ARIH1: variants seen among roughly 807,000 people sequenced by gnomAD.
ARIH1 encodes the protein E3 ubiquitin-protein ligase ARIH1.
In ARIH1, 8 loss-of-function variants were observed where a neutral mutation model predicts 85.0. That is an observed-to-expected ratio of 0.09 (90% CI 0.06 to 0.17). The LOEUF is 0.17. Ranked by LOEUF, ARIH1 falls within the 10% of genes least tolerant of loss-of-function variation. The pLI is 1.00. For missense variants in ARIH1, 311 were observed against 718.1 expected (o/e 0.43, Z 6.48); for synonymous variants, 238 against 253.6 (o/e 0.94, Z 0.59).
intron 2 of ARIH1, among the ~76,000 whole-genome samples, chr15:72,523,259 G>A (rs1192655394): frequency 6.6e-6 from 1 of 152,196 alleles, no homozygotes; most frequent in African/African-American, 2.4e-5. Context: ...TTCAGTAGAT[G>A]AAAGGATGAG....
chr15:72,474,409 A>G lies in ARIH1; in HGVS notation c.-231A>G. The G allele has an allele frequency of 1.8e-6, 1 of 558,508 alleles. No homozygotes were observed. Among genetic ancestry groups the G allele is most frequent in the Non-Finnish European group, 3.1e-6 (1 of 322,164 alleles). 34.6% of individuals were successfully genotyped at this position (558,508 alleles called of 1,614,324 possible). ...GCCGGAGCGGAGCCGCGTCTGACTG[A>G]GGCGGGCAGCAAGCGGCCCCCTCGC... On this transcript the variant is annotated 5_prime_UTR_variant, in exon 1 of 14. Coordinates refer to ENST00000379887, the MANE Select transcript of ARIH1 (RefSeq NM_005744.5).
rs1567367085 is a variant in ARIH1 at position 72,600,361 on chromosome 15, T to G, written c.*17069T>G. Reference sequence around the variant, plus strand: ...CACAAGAAACATGTTCTATGTGATTTCTGGGATTTTCCTGTGAACATACTT... The same window carrying G: ...CACAAGAAACATGTTCTATGTGATTGCTGGGATTTTCCTGTGAACATACTT... On this transcript the variant is annotated 3_prime_UTR_variant, in exon 14 of 14. Coordinates refer to ENST00000379887, the MANE Select transcript of ARIH1 (RefSeq NM_005744.5). 2 of 152,220 alleles carry G rather than the reference T, an allele frequency of 1.3e-5. No individual in the cohort carries two copies. The highest frequency in any genetic ancestry group is 2.4e-5 in the African/African-American group (1 of 41,452). The allele number at this position is 152,220 out of a possible 1,614,324, so 9.4% of individuals were successfully genotyped here.
intron 1 of ARIH1, among the ~76,000 whole-genome samples, chr15:72,483,005 C>G (rs1225866342): frequency 1.3e-5 from 2 of 151,928 alleles, no homozygotes; most frequent in African/African-American, 4.8e-5. Flanking sequence ...CACACCCCAG[C>G]TTATTTTTTT....
Position 72,582,599 on chromosome 15 carries a change from A to ATT in ARIH1, c.1589+418_1589+419dup, listed in dbSNP as rs749458387. Among the ~76,000 whole-genome samples the ATT allele has an allele frequency of 0.038, 5,773 of 151,002 alleles. 334 individuals are homozygous for ATT. Among genetic ancestry groups the ATT allele is most frequent in the African/African-American group, 0.13 (5,227 of 41,188 alleles). ...GTTTTTATTACATATATATATATAT[A>ATT]TTTTTTTAATCTAAGGAGATACTTG... On this transcript the variant is annotated intron_variant, in intron 13 of 13. Transcript: ENST00000379887. This position sits in a 1 kb window ranked among gnomAD's most constrained non-coding sequence, Gnocchi z 4.6.
rs756536113 is a variant in ARIH1, at chr15:72,590,838, T to G, written c.*7546T>G. The G allele has an allele frequency of 4.6e-5, 7 of 152,200 alleles. No homozygotes were observed. Among genetic ancestry groups the G allele is most frequent in the Non-Finnish European group, 8.8e-5 (6 of 68,046 alleles). 9.4% of individuals were successfully genotyped at this position (152,200 alleles called of 1,614,324 possible). On this transcript the variant is annotated 3_prime_UTR_variant, in exon 14 of 14. Coordinates refer to ENST00000379887, the MANE Select transcript of ARIH1 (RefSeq NM_005744.5). ...ACCCTCTTCACTGATTATGCCTGTT[T>G]AAAGGTTTGGTATTTACTCCAAGTC...
At chr15:72,528,947 T>A (rs1052080024) in intron 2 of ARIH1, among the ~76,000 whole-genome samples, 6 of 152,134 alleles carry the variant, frequency 3.9e-5, no homozygotes, top group African/African-American at 7.2e-5. Flanking sequence ...ATGCCTGTAA[T>A]CCCAGCACTT....
intron 3 of ARIH1, among the ~76,000 whole-genome samples, chr15:72,552,502 C>G (rs1015238978): frequency 3.3e-5 from 5 of 152,140 alleles, no homozygotes; most frequent in Admixed American, 2.0e-4. Context: ...GTTGGCCTGG[C>G]TGGTCTCAAA....
intron 5 of ARIH1, among the ~76,000 whole-genome samples, chr15:72,556,387 A>G (rs944903421): frequency 6.6e-6 from 1 of 152,186 alleles, no homozygotes; most frequent in African/African-American, 2.4e-5. Context: ...CAGTGCATAG[A>G]TTGCCCATAG....
intron 9 of ARIH1, among the ~76,000 whole-genome samples, chr15:72,569,837 A>C (rs952921288): frequency 1.3e-5 from 2 of 152,160 alleles, no homozygotes; most frequent in Non-Finnish European, 2.9e-5. Context: ...CTGAAGTGGA[A>C]AGATCACTTG....
At chr15:72,555,603 G>A (rs1052995537) in intron 4 of ARIH1, among the ~76,000 whole-genome samples, 1 of 152,204 alleles carries the variant, frequency 6.6e-6, no homozygotes, top group Non-Finnish European at 1.5e-5. Context: ...CTTGTTGCAC[G>A]ATTTTGTCAG....
intron 2 of ARIH1, among the ~76,000 whole-genome samples, chr15:72,534,784 CTG>C (rs1479095696): frequency 1.4e-4 from 22 of 152,138 alleles, no homozygotes; most frequent in African/African-American, 5.3e-4. Flanking sequence ...TTGCTTATAA[CTG>C]TATATTCCTT....
chr15:72,572,981 C>T (rs1430878368), intron 11 of ARIH1, among the ~76,000 whole-genome samples: 1 of 152,140 alleles, frequency 6.6e-6, no homozygotes, highest in Non-Finnish European at 1.5e-5. Context: ...TCATTCCTTT[C>T]AGTCTGGTGA....
Position 72,583,090 on chromosome 15 carries a change from T to A in ARIH1, c.1590-118T>A, listed in dbSNP as rs1048531654. 7.3e-6 allele frequency: 5 copies of A among 685,706 alleles called. No homozygotes were observed. In the South Asian group the frequency reaches 9.9e-5, roughly 14 times the overall value. 42.5% of individuals were successfully genotyped at this position (685,706 alleles called of 1,614,324 possible). A position where few individuals can be genotyped will look rare whatever the true frequency, so the allele number is the denominator to read the frequency against. On this transcript the variant is annotated intron_variant, in intron 13 of 13. Transcript: ENST00000379887. The stretch of plus-strand genomic sequence containing the variant: ...AACATGTGCCTATTAAAATAAAAAA[T>A]AGGTGCTTGGTTCCGAGTCTGGATA...
chr15:72,566,725 A>G (rs2064222780), intron 8 of ARIH1, 120 bp downstream of exon 8: 1 of 845,402 alleles, frequency 1.2e-6, no homozygotes, highest in Middle Eastern at 3.5e-4. Context: ...TATCCTTTTA[A>G]TTTCAGATGA....
intron 3 of ARIH1, among the ~76,000 whole-genome samples, chr15:72,547,377 C>T (rs1054367978): frequency 1.5e-4 from 22 of 151,708 alleles, no homozygotes; most frequent in Non-Finnish European, 7.4e-5. Context: ...GGACTACAAG[C>T]GCCGGCCACC....
intron 1 of ARIH1, among the ~76,000 whole-genome samples, chr15:72,505,403 C>T (rs893992883): frequency 6.6e-6 from 1 of 151,646 alleles, no homozygotes; most frequent in South Asian, 2.1e-4. Context: ...TTTTTTCGCT[C>T]AGTGGTATCT....
At position 72,587,881 on chromosome 15, in the gene ARIH1, T is replaced by C. The variant is rs573921696; in HGVS notation, c.*4589T>C. The C allele has an allele frequency of 2.0e-5, 3 of 152,340 alleles. No homozygotes were observed. In the East Asian group the frequency reaches 5.8e-4, roughly 29 times the overall value. The allele number at this position is 152,340 out of a possible 1,614,324, so 9.4% of individuals were successfully genotyped here. On this transcript the variant is annotated 3_prime_UTR_variant, in exon 14 of 14. Coordinates refer to ENST00000379887, the MANE Select transcript of ARIH1 (RefSeq NM_005744.5). ...AGTTGAGTCCAATTTTTAAGGCAACTATTGTTGACCTTTCTCTAGGCGGTA... is the reference window on the plus strand; with the variant it reads ...AGTTGAGTCCAATTTTTAAGGCAACCATTGTTGACCTTTCTCTAGGCGGTA...
chr15:72,516,854 G>T (rs751100837), intron 1 of ARIH1, among the ~76,000 whole-genome samples: 1 of 152,148 alleles, frequency 6.6e-6, no homozygotes, highest in Admixed American at 6.5e-5. Flanking sequence ...AGTCCACAGA[G>T]ATCTTTTTTG....
intron 8 of ARIH1, 68 bp downstream of exon 8, chr15:72,566,673 T>TC: frequency 7.4e-7 from 1 of 1,360,094 alleles, no homozygotes; most frequent in Non-Finnish European, 1.0e-6. Flanking sequence ...CTAAAAATCA[T>TC]AGCTGATGAT....
Sources: allele counts gnomAD v4.1 joint callset (sites outside exome capture counted in the v4.1 genomes callset), GRCh38; gene constraint gnomAD v4.1.1; non-coding constraint Gnocchi (gnomAD v3.1); transcripts MANE v1.5; gene names NCBI Gene and HGNC (gene_info 2026-07-23, HGNC 2026-07-21).